The following FBXL17 variants were observed in gnomAD, a reference collection of about 807,000 sequenced individuals.
The protein encoded by FBXL17 is F-box and leucine rich repeat protein 17, also known as F-box/LRR-repeat protein 17.
In FBXL17, 22 loss-of-function variants were observed where a neutral mutation model predicts 66.2. The observed-to-expected ratio is 0.33, with a 90% confidence interval of 0.24 to 0.47. The LOEUF (loss-of-function observed/expected upper bound fraction) is 0.47, where lower values mean the gene tolerates loss of function less well. FBXL17 is among the 20% of genes least tolerant of loss of function. The probability of loss-of-function intolerance (pLI) is 1.00; values close to 1 mark genes in which losing one functional copy is unlikely to be tolerated. For synonymous variants in FBXL17, 474 were observed against 400.5 expected (o/e 1.18, Z -2.19); for missense variants, 878 against 948.2 (o/e 0.93, Z 0.97).
At chr5:108,265,287 A>G (rs578206228) in intron 4 of FBXL17, among the ~76,000 whole-genome samples, 86 of 151,612 alleles carry the variant, frequency 5.7e-4, no homozygotes, top group African/African-American at 2.0e-3. Flanking sequence ...AATCTTCAGG[A>G]AAAAAAAATT....
intron 3 of FBXL17, among the ~76,000 whole-genome samples, chr5:108,354,339 C>T (rs1747828703): frequency 6.6e-6 from 1 of 151,798 alleles, no homozygotes; most frequent in African/African-American, 2.4e-5. Flanking sequence ...AGGCAACACG[C>T]AAGCACCAAT....
intron 4 of FBXL17, chr5:108,298,086 T>C (rs1255598624): frequency 1.0e-6 from 1 of 970,462 alleles, no homozygotes; most frequent in Non-Finnish European, 1.2e-6. Context: ...AATACCCATG[T>C]AGGGCTTATA....
At chr5:108,005,093 CTT>C (rs35383958) in intron 7 of FBXL17, among the ~76,000 whole-genome samples, 52 of 143,770 alleles carry the variant, frequency 3.6e-4, no homozygotes, top group African/African-American at 1.1e-3. Context: ...TTTTCAATGA[CTT>C]TTTTTTTTTT....
rs534064880 is a variant in FBXL17 at position 107,910,517 on chromosome 5, C to T, written c.1823-29338G>A. On this transcript the variant is annotated intron_variant, in intron 7 of 8. Coordinates refer to ENST00000542267, the MANE Select transcript of FBXL17 (RefSeq NM_001163315.3). ...AAAGCCATAAACAAGTTAAGAGATG[C>T]CTCAAACATTCCCAATACCCAGTAT... Among the ~76,000 whole-genome samples, 554 of 151,966 alleles carry T rather than the reference C, an allele frequency of 3.6e-3. 2 individuals are homozygous for T. Among genetic ancestry groups the T allele is most frequent in the Non-Finnish European group, 6.3e-3 (429 of 67,958 alleles).
At chr5:107,962,701 T>A (rs901448891) in intron 7 of FBXL17, among the ~76,000 whole-genome samples, 2 of 151,880 alleles carry the variant, frequency 1.3e-5, no homozygotes, top group African/African-American at 4.8e-5. Context: ...AATGAACAAA[T>A]CTGATTTCAT....
intron 6 of FBXL17, among the ~76,000 whole-genome samples, chr5:108,171,974 C>G (rs1040928216): frequency 6.6e-6 from 1 of 152,178 alleles, no homozygotes; most frequent in Non-Finnish European, 1.5e-5. Flanking sequence ...CCGTGTAAGA[C>G]GTGACTTGCT....
At chr5:107,938,519 C>T (rs1029903037) in intron 7 of FBXL17, among the ~76,000 whole-genome samples, 2 of 151,998 alleles carry the variant, frequency 1.3e-5, no homozygotes, top group East Asian at 1.9e-4. Flanking sequence ...ACTTTAAACA[C>T]TAAAGATAAA....
chr5:108,186,786 A>G (rs1397868817), intron 5 of FBXL17, among the ~76,000 whole-genome samples: 2 of 151,958 alleles, frequency 1.3e-5, no homozygotes, highest in African/African-American at 4.8e-5. Context: ...AAAAAAAAAA[A>G]AAAGAAAGTA....
At chr5:107,968,085 C>T (rs1220677046) in intron 7 of FBXL17, among the ~76,000 whole-genome samples, 2 of 152,084 alleles carry the variant, frequency 1.3e-5, no homozygotes, top group Non-Finnish European at 2.9e-5. Flanking sequence ...TAAAACTAGA[C>T]TTGATGTGAG....
At chr5:108,016,815 T>C (rs1754406435) in intron 7 of FBXL17, among the ~76,000 whole-genome samples, 1 of 151,704 alleles carries the variant, frequency 6.6e-6, no homozygotes, top group Admixed American at 6.6e-5. Context: ...GTTTCGCTTT[T>C]GTCGCCCAGG....
chr5:108,374,657 T>C (rs1749297580), intron 1 of FBXL17, among the ~76,000 whole-genome samples: 1 of 151,656 alleles, frequency 6.6e-6, no homozygotes, highest in Non-Finnish European at 1.5e-5. Context: ...GCCTGGGTGA[T>C]ACAGTGAGAC....
intron 6 of FBXL17, among the ~76,000 whole-genome samples, chr5:108,150,497 C>G (rs1203468549): frequency 1.3e-5 from 2 of 152,232 alleles, no homozygotes; most frequent in African/African-American, 4.8e-5. Context: ...AGCCACCATG[C>G]CTGGCCCCCA....
intron 4 of FBXL17, among the ~76,000 whole-genome samples, chr5:108,295,073 A>G (rs1371812225): frequency 6.6e-6 from 1 of 152,000 alleles, no homozygotes; most frequent in Non-Finnish European, 1.5e-5. Context: ...AACACAATGC[A>G]GCAACAACAA....
At chr5:108,283,145 A>C (rs1462253008) in intron 4 of FBXL17, among the ~76,000 whole-genome samples, 4 of 151,910 alleles carry the variant, frequency 2.6e-5, no homozygotes, top group Admixed American at 1.3e-4. Context: ...ACAAGTACAA[A>C]AAAAATCCTA....
At chr5:107,971,952 C>T (rs754848006) in intron 7 of FBXL17, among the ~76,000 whole-genome samples, 10 of 152,214 alleles carry the variant, frequency 6.6e-5, no homozygotes, top group Non-Finnish European at 1.5e-4. Flanking sequence ...CCACATTGCA[C>T]TGCAATTCTG....
At chr5:108,037,977 G>A (rs1305844995) in intron 6 of FBXL17, among the ~76,000 whole-genome samples, 1 of 152,124 alleles carries the variant, frequency 6.6e-6, no homozygotes, top group African/African-American at 2.4e-5. Context: ...TGTAACGGAA[G>A]GAGGCAAGCA....
intron 6 of FBXL17, among the ~76,000 whole-genome samples, chr5:108,173,553 T>C (rs1463032690): frequency 6.6e-6 from 1 of 152,222 alleles, no homozygotes; most frequent in Non-Finnish European, 1.5e-5. Context: ...GGACTTCCTT[T>C]AACACGTGTT....
Position 108,108,533 on chromosome 5 carries a change from A to G in FBXL17, c.1745+77584T>C, listed in dbSNP as rs1325630682. Among the ~76,000 whole-genome samples, 8 of 152,336 alleles carry G rather than the reference A, an allele frequency of 5.3e-5. No homozygotes were observed. The East Asian group carries it at 1.5e-3, about 29-fold the overall frequency. ...TGAATGAATGAAGTTGTTATGTCTA[A>G]GAATAATCATGTTAGGATAGATCTA... On this transcript the variant is annotated intron_variant, in intron 6 of 8. Coordinates refer to ENST00000542267, the MANE Select transcript of FBXL17 (RefSeq NM_001163315.3).
At chr5:107,873,071 G>T (rs1268713474) in intron 8 of FBXL17, among the ~76,000 whole-genome samples, 1 of 152,216 alleles carries the variant, frequency 6.6e-6, no homozygotes, top group Non-Finnish European at 1.5e-5. Flanking sequence ...GATGGAAATA[G>T]ATCATAACAG....
Sources: gnomAD v4.1 joint callset for allele counts (sites outside exome capture counted in the v4.1 genomes callset) on GRCh38, gnomAD v4.1.1 for gene constraint, MANE v1.5 for transcripts, NCBI Gene and HGNC (gene_info 2026-07-23, HGNC 2026-07-21) for gene names.